Variants in SLC1A2 observed in about 807,000 individuals in gnomAD.
SLC1A2 encodes the protein solute carrier family 1 member 2, also known as excitatory amino acid transporter 2.
Under a neutral mutation model 48.8 loss-of-function variants are expected in SLC1A2, and 15 were observed. The ratio of observed to expected loss-of-function variants is 0.31; its 90% CI spans 0.21 to 0.47. SLC1A2 has a LOEUF of 0.47. Among genes scored for constraint, SLC1A2 ranks in the 20% least tolerant of loss-of-function variants. SLC1A2 has a pLI of 0.99. For missense variants in SLC1A2, 502 were observed against 730.5 expected (o/e 0.69, Z 3.61); for synonymous variants, 279 against 272.6 (o/e 1.02, Z -0.23).
intron 4 of SLC1A2, among the ~76,000 whole-genome samples, chr11:35,310,085 C>T (rs1565231850): frequency 6.6e-6 from 1 of 152,200 alleles, no homozygotes; most frequent in Non-Finnish European, 1.5e-5. Context: ...GTGTGGCCAG[C>T]TCCACAAAAG....
rs372387143 is a variant in SLC1A2 at position 35,270,328 on chromosome 11, AAG to A, written c.1422-4572_1422-4571del. ...CACAGGAGGTTGTACTAAGCGGAAT[AAG>A]AGAAATACTAGACATCCTTTAAGTA... On this transcript the variant is annotated intron_variant, in intron 9 of 10. Transcript: ENST00000278379. Among the ~76,000 whole-genome samples the A allele has an allele frequency of 3.1e-3, 477 of 152,310 alleles. 4 individuals carry two copies. The highest frequency in any genetic ancestry group is 0.011 in the African/African-American group (454 of 41,576).
At chr11:35,366,301 C>G (rs1853848311) in intron 1 of SLC1A2, among the ~76,000 whole-genome samples, 1 of 152,176 alleles carries the variant, frequency 6.6e-6, no homozygotes, top group Admixed American at 6.6e-5. Context: ...TCCTCTCTGT[C>G]CCTCTAATGC....
At chr11:35,270,238 C>T (rs1850242960) in intron 9 of SLC1A2, among the ~76,000 whole-genome samples, 1 of 152,158 alleles carries the variant, frequency 6.6e-6, no homozygotes, top group African/African-American at 2.4e-5. Flanking sequence ...TAACCCAGGG[C>T]TTCTGATTCC....
rs944906060 is a variant in SLC1A2, at chr11:35,259,256, T to C, written c.*1638A>G. ...CATAAGCACCCTCATCTCAGAGAAT[T>C]TGGATTCTATAAACCATGACTGTCT... On this transcript the variant is annotated 3_prime_UTR_variant, in exon 11 of 11. Coordinates refer to ENST00000278379, the MANE Select transcript of SLC1A2 (RefSeq NM_004171.4). 1 of 152,566 alleles carries C rather than the reference T, an allele frequency of 6.6e-6. No homozygotes were observed. The highest frequency in any genetic ancestry group is 2.4e-5 in the African/African-American group (1 of 41,414). The allele number at this position is 152,566 out of a possible 1,614,324, so 9.5% of individuals were successfully genotyped here.
At chr11:35,370,381 C>G (rs1854014702) in intron 1 of SLC1A2, among the ~76,000 whole-genome samples, 2 of 152,244 alleles carry the variant, frequency 1.3e-5, no homozygotes, top group Non-Finnish European at 2.9e-5. Context: ...TTAGTGGTGG[C>G]ACATTGTCAG....
chr11:35,319,348 A>C (rs1362049235), intron 1 of SLC1A2, among the ~76,000 whole-genome samples: 4 of 152,222 alleles, frequency 2.6e-5, no homozygotes, highest in Non-Finnish European at 4.4e-5. Context: ...ACATGTCTCC[A>C]GCAAGTAATC....
chr11:35,331,495 C>G (rs1205689391), intron 1 of SLC1A2, among the ~76,000 whole-genome samples: 1 of 152,236 alleles, frequency 6.6e-6, no homozygotes, highest in Admixed American at 6.5e-5. Flanking sequence ...AAGTGATAAA[C>G]TGAGCCATCC....
intron 1 of SLC1A2, among the ~76,000 whole-genome samples, chr11:35,344,995 C>T (rs1852975992): frequency 6.6e-6 from 1 of 152,132 alleles, no homozygotes. Context: ...CTGATTCAAA[C>T]AGTGAGCACG....
chr11:35,367,653 G>A (rs1384793836), intron 1 of SLC1A2, among the ~76,000 whole-genome samples: 3 of 152,172 alleles, frequency 2.0e-5, no homozygotes, highest in Non-Finnish European at 1.5e-5. Flanking sequence ...TGTCCTTGAC[G>A]TTTATTATGA....
chr11:35,311,923 G>A (rs57328730), intron 4 of SLC1A2, among the ~76,000 whole-genome samples: 2 of 4,982 alleles, frequency 4.0e-4, no homozygotes, highest in South Asian at 9.4e-3. Context: ...AGAGAGAGAG[G>A]CGGGGGGGGG....
Position 35,265,633 on chromosome 11 carries a change from AT to A in SLC1A2, c.1546del (p.Met516Ter). 6.2e-7 allele frequency: 1 copy of A among 1,612,860 alleles called. No homozygotes were observed. On this transcript the variant is annotated frameshift_variant, in exon 10 of 11. Transcript: ENST00000278379. LOFTEE classifies it high-confidence loss of function. ...ATCATAAATGGATTGAGTCTTGGTC[AT>A]TTCAATATCTTCATGCACTCGATGC... ...SQHRVHEDIE[M>X]TKTQSIYDDM...
intron 8 of SLC1A2, among the ~76,000 whole-genome samples, chr11:35,284,087 T>TATATATATA (rs1850729531): frequency 1.7e-5 from 2 of 115,862 alleles, no homozygotes; most frequent in African/African-American, 6.6e-5. Flanking sequence ...GAAGATTTTA[T>TATATATATA]TATATATATA....
At chr11:35,314,327 T>C (rs931397936) in intron 3 of SLC1A2, among the ~76,000 whole-genome samples, 1 of 152,214 alleles carries the variant, frequency 6.6e-6, no homozygotes, top group Admixed American at 6.5e-5. Flanking sequence ...TCTCCCTCAA[T>C]TCCCAATTAA....
At chr11:35,343,404 T>C (rs1852914667) in intron 1 of SLC1A2, among the ~76,000 whole-genome samples, 1 of 152,220 alleles carries the variant, frequency 6.6e-6, no homozygotes, top group South Asian at 2.1e-4. Flanking sequence ...GCACCACAGT[T>C]CTGAGAAATC....
intron 9 of SLC1A2, among the ~76,000 whole-genome samples, chr11:35,273,900 G>T (rs529242202): frequency 1.8e-4 from 27 of 152,322 alleles, no homozygotes; most frequent in African/African-American, 6.5e-4. Context: ...GTGGTAAAAA[G>T]TCAGGATGCA....
Position 35,255,986 on chromosome 11 carries a change from C to T in SLC1A2, c.*4908G>A, listed in dbSNP as rs1950310368. The T allele has an allele frequency of 6.6e-6, 1 of 152,112 alleles. No individual in the cohort carries two copies. Among genetic ancestry groups the T allele is most frequent in the East Asian group, 1.9e-4 (1 of 5,186 alleles). The allele number at this position is 152,112 out of a possible 1,614,324, so 9.4% of individuals were successfully genotyped here. The stretch of plus-strand genomic sequence containing the variant: ...TTCAACTTAAAATGTAAATAGGTCA[C>T]ATTTTATAGTAGGAAGCCTCTTAAG... On this transcript the variant is annotated 3_prime_UTR_variant, in exon 11 of 11. Coordinates refer to ENST00000278379, the MANE Select transcript of SLC1A2 (RefSeq NM_004171.4).
chr11:35,293,972 G>T (rs959980606), intron 6 of SLC1A2, among the ~76,000 whole-genome samples: 1 of 152,102 alleles, frequency 6.6e-6, no homozygotes, highest in African/African-American at 2.4e-5. Context: ...GATGCTGTGG[G>T]GATTAAATTT....
chr11:35,408,464 CA>C (rs1413902577), intron 1 of SLC1A2, among the ~76,000 whole-genome samples: 2 of 152,194 alleles, frequency 1.3e-5, no homozygotes, highest in Non-Finnish European at 2.9e-5. Flanking sequence ...ATGGGTTTAT[CA>C]GGGGTTTCCA....
chr11:35,270,972 C>T (rs778455983), intron 9 of SLC1A2, among the ~76,000 whole-genome samples: 3 of 151,970 alleles, frequency 2.0e-5, no homozygotes, highest in African/African-American at 4.8e-5. Context: ...TTGTGAAGAA[C>T]GAACTAAAAA....
Sources: allele counts gnomAD v4.1 joint callset (sites outside exome capture counted in the v4.1 genomes callset), GRCh38; gene constraint gnomAD v4.1.1; transcripts MANE v1.5; gene names NCBI Gene and HGNC (gene_info 2026-07-23, HGNC 2026-07-21).